NCAM1: variants seen among roughly 807,000 people sequenced by gnomAD.
The protein encoded by NCAM1 is antigen recognized by monoclonal antibody 5.1H11.
NCAM1 carries 14 observed loss-of-function variants against 109.8 expected under a neutral mutation model. The observed-to-expected ratio is 0.13, with a 90% CI of 0.08 to 0.20. NCAM1 has a LOEUF of 0.20. NCAM1 is among the 10% of genes least tolerant of loss of function. The pLI, the probability that NCAM1 is intolerant of heterozygous loss-of-function variation, is 1.00. For missense variants in NCAM1, 774 were observed against 1,109.9 expected (o/e 0.70, Z 4.30); for synonymous variants, 418 against 442.9 (o/e 0.94, Z 0.70).
rs1227395870 is a variant in NCAM1, at chr11:113,276,047, T to G, written c.*660T>G. On this transcript the variant is annotated 3_prime_UTR_variant, in exon 20 of 20. Transcript: ENST00000316851. ...AGATCTCAATTTGCAGTATTCAGAC[T>G]TCTTTTTCTTTCTTTTACATTCTTT... is the stretch of plus-strand genomic sequence containing the variant. The G allele has an allele frequency of 6.6e-6, 1 of 150,994 alleles. No homozygotes were observed. The highest frequency in any genetic ancestry group is 1.5e-5 in the Non-Finnish European group (1 of 67,546). The allele number at this position is 150,994 out of a possible 1,614,324, so 9.4% of individuals were successfully genotyped here.
intron 17 of NCAM1, chr11:113,263,440 G>T: frequency 2.0e-6 from 2 of 986,372 alleles, no homozygotes; most frequent in Non-Finnish European, 2.4e-6. Flanking sequence ...GAGCCAGACC[G>T]CACTGATTCA....
chr11:113,225,907 T>C (rs1555116123), intron 9 of NCAM1, among the ~76,000 whole-genome samples: 1 of 152,162 alleles, frequency 6.6e-6, no homozygotes, highest in East Asian at 1.9e-4. Flanking sequence ...CCACCAGGCC[T>C]GCCCTACAAG....
At chr11:112,980,660 A>G (rs1362262270) in intron 1 of NCAM1, among the ~76,000 whole-genome samples, 2 of 151,634 alleles carry the variant, frequency 1.3e-5, no homozygotes, top group Admixed American at 6.6e-5. Context: ...GTTTTTTGTT[A>G]CATGGATAAG....
At chr11:112,977,823 A>G (rs535615658) in intron 1 of NCAM1, among the ~76,000 whole-genome samples, 4 of 151,996 alleles carry the variant, frequency 2.6e-5, no homozygotes, top group East Asian at 3.9e-4. Flanking sequence ...GTCTTTGCAT[A>G]TTAATCACTC....
intron 1 of NCAM1, among the ~76,000 whole-genome samples, chr11:113,010,024 C>A (rs1215204614): frequency 2.5e-5 from 3 of 121,724 alleles, no homozygotes; most frequent in African/African-American, 8.7e-5. Context: ...AATTGAGCTG[C>A]ATCTTGAAAA....
chr11:113,258,415 C>T (rs782743740), intron 16 of NCAM1, among the ~76,000 whole-genome samples: 12 of 152,128 alleles, frequency 7.9e-5, no homozygotes, highest in Non-Finnish European at 1.6e-4. Context: ...GTTGTAGAGA[C>T]CAGGTCACAC....
In NCAM1 at chr11:113,226,450, G is replaced by A. The variant is rs1364044087; in HGVS notation, c.1089+5125G>A. On this transcript the variant is annotated intron_variant, in intron 9 of 19. Transcript: ENST00000316851. Reference sequence around the variant, plus strand: ...ATAAAGGAAGTCCTTAGAGGCCTACGAAGAGGCTTAGACTCCCACACAATA... The same window carrying A: ...ATAAAGGAAGTCCTTAGAGGCCTACAAAGAGGCTTAGACTCCCACACAATA... Among the ~76,000 whole-genome samples the A allele has an allele frequency of 3.9e-5, 6 of 152,234 alleles. 1 individual carries two copies. The highest frequency in any genetic ancestry group is 1.3e-4 in the Admixed American group (2 of 15,284).
Position 113,275,458 on chromosome 11 carries a change from CCACAGACACA to C in NCAM1, c.*76_*85del. On this transcript the variant is annotated 3_prime_UTR_variant, in exon 20 of 20. Coordinates refer to ENST00000316851, the MANE Select transcript of NCAM1 (RefSeq NM_181351.5). The stretch of plus-strand genomic sequence containing the variant: ...CAGCTTCACCAGAGCATTTCCAACA[CCACAGACACA>C]CACACGCACGCACACACACAAACAC... 1 of 1,547,230 alleles carries C rather than the reference CCACAGACACA, an allele frequency of 6.5e-7. No individual in the cohort carries two copies. The highest frequency in any genetic ancestry group is 1.2e-5 in the South Asian group (1 of 84,496).
intron 4 of NCAM1, 66 bp from the exon 5 acceptor site, chr11:113,205,977 T>G: frequency 6.3e-7 from 1 of 1,591,122 alleles, no homozygotes; most frequent in Non-Finnish European, 8.6e-7. Flanking sequence ...GGAAAGAGAC[T>G]CAGCCACCTG....
chr11:112,977,463 C>T (rs1951036740), intron 1 of NCAM1: 1 of 151,652 alleles, frequency 6.6e-6, no homozygotes, highest in South Asian at 2.1e-4. Context: ...TTAAAAATCA[C>T]CACATTTTCC....
At chr11:112,982,563 G>A (rs1254110523) in intron 1 of NCAM1, among the ~76,000 whole-genome samples, 1 of 151,864 alleles carries the variant, frequency 6.6e-6, no homozygotes, top group Non-Finnish European at 1.5e-5. Context: ...TAGAGGCTGT[G>A]TGAGGTGATG....
chr11:113,255,298 C>A (rs1555122087), intron 15 of NCAM1, among the ~76,000 whole-genome samples: 1 of 152,072 alleles, frequency 6.6e-6, no homozygotes. Flanking sequence ...CAACCGGAAA[C>A]TTCTTATTTT....
chr11:113,010,025 A>G (rs1488441114), intron 1 of NCAM1, among the ~76,000 whole-genome samples: 1 of 119,914 alleles, frequency 8.3e-6, no homozygotes, highest in Non-Finnish European at 1.7e-5. Flanking sequence ...ATTGAGCTGC[A>G]TCTTGAAAAA....
At chr11:113,220,506 T>C (rs1377567192) in intron 8 of NCAM1, among the ~76,000 whole-genome samples, 1 of 152,006 alleles carries the variant, frequency 6.6e-6, no homozygotes, top group Non-Finnish European at 1.5e-5. Context: ...ATGCAAAGAG[T>C]TGTAAAATGC....
At chr11:113,187,874 T>C (rs1467338727) in intron 1 of NCAM1, among the ~76,000 whole-genome samples, 1 of 152,246 alleles carries the variant, frequency 6.6e-6, no homozygotes, top group East Asian at 1.9e-4. Flanking sequence ...GTCAGGTTAT[T>C]ACCATTTAAT....
intron 14 of NCAM1, among the ~76,000 whole-genome samples, chr11:113,237,957 G>GAT (rs782552148): frequency 1.4e-5 from 2 of 140,030 alleles, no homozygotes; most frequent in African/African-American, 5.5e-5. Flanking sequence ...TAGATATATA[G>GAT]ATAGATAGAT....
intron 1 of NCAM1, among the ~76,000 whole-genome samples, chr11:113,054,397 T>C (rs1555082229): frequency 6.6e-6 from 1 of 152,184 alleles, no homozygotes; most frequent in Non-Finnish European, 1.5e-5. Flanking sequence ...TTTTAAAGCC[T>C]TACCTGAGGC....
intron 17 of NCAM1, chr11:113,263,208 C>T: frequency 9.1e-7 from 1 of 1,103,022 alleles, no homozygotes; most frequent in Non-Finnish European, 1.1e-6. Context: ...AACCATCATG[C>T]TAGATTTACA....
In NCAM1 at chr11:113,275,372, C is replaced by T. The variant is rs575387806; in HGVS notation, c.2562C>T (p.Asn854=). Reference sequence around the variant, plus strand: ...ATGACGCCACACAGACAAAGGAGAACGAGAGCAAAGCATGATGGGTGAAGA... The same window carrying T: ...ATGACGCCACACAGACAAAGGAGAATGAGAGCAAAGCATGATGGGTGAAGA... ...VPNDATQTKE[N]ESKA is the part of the protein sequence containing the mutation. Residue 854 remains asparagine, a synonymous_variant, in exon 20 of 20, where the codon AAC becomes AAT. Coordinates refer to ENST00000316851, the MANE Select transcript of NCAM1 (RefSeq NM_181351.5). 1.2e-5 allele frequency: 19 copies of T among 1,612,788 alleles called. No individual in the cohort carries two copies. The highest frequency in any genetic ancestry group is 4.5e-5 in the East Asian group (2 of 44,842).
Sources: gnomAD v4.1 joint callset for allele counts (sites outside exome capture counted in the v4.1 genomes callset) on GRCh38, gnomAD v4.1.1 for gene constraint, MANE v1.5 for transcripts, NCBI Gene and HGNC (gene_info 2026-07-23, HGNC 2026-07-21) for gene names.